Variants in SEPTIN9 observed in about 807,000 individuals in gnomAD.
SEPTIN9 encodes septin 9.
A neutral mutation model predicts 56.6 loss-of-function variants in SEPTIN9; 13 were observed. That is an observed-to-expected ratio of 0.23 (90% CI 0.15 to 0.37). SEPTIN9 has a LOEUF of 0.37. Among genes scored for constraint, SEPTIN9 ranks in the 10% least tolerant of loss-of-function variants. The pLI is 1.00. For missense variants in SEPTIN9, 650 were observed against 823.1 expected (o/e 0.79, Z 2.57); for synonymous variants, 332 against 334.1 (o/e 0.99, Z 0.07).
chr17:77,342,451 C>G (rs1241250817), intron 2 of SEPTIN9, among the ~76,000 whole-genome samples: 1 of 152,190 alleles, frequency 6.6e-6, no homozygotes, highest in Non-Finnish European at 1.5e-5. Flanking sequence ...TTTTAAAGAA[C>G]CAGCATTGGA....
At position 77,436,466 on chromosome 17, in the gene SEPTIN9, T is replaced by C. The variant is rs527717552; in HGVS notation, c.721+33763T>C. Among the ~76,000 whole-genome samples the C allele has an allele frequency of 6.7e-6, 1 of 149,140 alleles. No homozygotes were observed. The highest frequency in any genetic ancestry group is 6.6e-5 in the Admixed American group (1 of 15,122). ...AAGAGCCTCACTTTCTCCCCGCAGA[T>C]GGGACGGGGGCGGGGCTGGAGCCAG... On this transcript the variant is annotated intron_variant, in intron 3 of 11. Transcript: ENST00000427177. The surrounding 1 kb of genome is among the most constrained non-coding windows in gnomAD (Gnocchi z 4.4).
chr17:77,296,117 A>AC (rs78975841), intron 1 of SEPTIN9, among the ~76,000 whole-genome samples: 151,714 of 152,234 alleles, frequency 1, 75,598 homozygotes, highest in Middle Eastern at 1. Context: ...AGGAAAAATG[A>AC]CGGAGGACAC....
rs2037225757 is a variant in SEPTIN9 at position 77,433,531 on chromosome 17, C to T, written c.721+30828C>T. Among the ~76,000 whole-genome samples, 2 of 152,150 alleles carry T rather than the reference C, an allele frequency of 1.3e-5. No homozygotes were observed. Among genetic ancestry groups the T allele is most frequent in the South Asian group, 4.2e-4 (2 of 4,816 alleles). ...AAAGGGATGGCGCCCCAGCCACGTT[C>T]CCACCCACCCCGAGGCCCAGCATGG... On this transcript the variant is annotated intron_variant, in intron 3 of 11. Coordinates refer to ENST00000427177, the MANE Select transcript of SEPTIN9 (RefSeq NM_001113491.2). The surrounding 1 kb of genome is among the most constrained non-coding windows in gnomAD (Gnocchi z 6.4).
At chr17:77,379,896 C>T (rs192417814) in intron 2 of SEPTIN9, among the ~76,000 whole-genome samples, 1 of 152,180 alleles carries the variant, frequency 6.6e-6, no homozygotes, top group East Asian at 1.9e-4. Flanking sequence ...AATGGTCAAA[C>T]ACTGCCTTTC....
rs1025535903 is a variant in SEPTIN9 at position 77,456,725 on chromosome 17, T to C, written c.722-25419T>C. On this transcript the variant is annotated intron_variant, in intron 3 of 11. Transcript: ENST00000427177. The surrounding 1 kb of genome is among the most constrained non-coding windows in gnomAD (Gnocchi z 6.0). ...GCCAGGGACGGGCCCCCATGGCCAG[T>C]ACCAGATCTCAGGGACCAGCACCGG... Among the ~76,000 whole-genome samples, 5 of 151,518 alleles carry C rather than the reference T, an allele frequency of 3.3e-5. No individual in the cohort carries two copies. The highest frequency in any genetic ancestry group is 7.4e-5 in the Non-Finnish European group (5 of 67,880).
At chr17:77,332,746 A>AT (rs1357611123) in intron 2 of SEPTIN9, among the ~76,000 whole-genome samples, 3 of 151,984 alleles carry the variant, frequency 2.0e-5, no homozygotes, top group African/African-American at 7.2e-5. Flanking sequence ...CCACGAAATA[A>AT]TTTTGCCAGT....
In SEPTIN9 at chr17:77,464,749, C is replaced by T. The variant is rs557044712; in HGVS notation, c.722-17395C>T. On this transcript the variant is annotated intron_variant, in intron 3 of 11. Transcript: ENST00000427177. ...CCGAGTAGCTGGGACTACAGGTGCC[C>T]ACCACCACACCCGGCTAATTTTTTT... Among the ~76,000 whole-genome samples the T allele has an allele frequency of 3.0e-4, 46 of 152,050 alleles. 2 individuals carry two copies. The South Asian group carries it at 7.3e-3, about 24-fold the overall frequency.
At chr17:77,288,504 C>T (rs1325050127) in intron 1 of SEPTIN9, among the ~76,000 whole-genome samples, 2 of 152,208 alleles carry the variant, frequency 1.3e-5, no homozygotes, top group Admixed American at 6.5e-5. Flanking sequence ...GCGGGTGGGC[C>T]GCCCCTGGGG....
chr17:77,384,242 G>T (rs2035251614), intron 2 of SEPTIN9, among the ~76,000 whole-genome samples: 1 of 152,170 alleles, frequency 6.6e-6, no homozygotes, highest in Non-Finnish European at 1.5e-5. Context: ...CCGAGGCCCT[G>T]ACTGTGGGAC....
intron 2 of SEPTIN9, among the ~76,000 whole-genome samples, chr17:77,321,350 C>T (rs1438037405): frequency 1.3e-5 from 2 of 149,666 alleles, no homozygotes; most frequent in African/African-American, 4.9e-5. Flanking sequence ...CTCGGTGGCT[C>T]CTCTCTAGGA....
chr17:77,306,998 C>T, intron 1 of SEPTIN9, 143 bp from the exon 2 acceptor site: 1 of 817,832 alleles, frequency 1.2e-6, no homozygotes. Flanking sequence ...GGGAGTAGGG[C>T]CTCTGTCCCC....
chr17:77,347,832 T>C (rs2033935414), intron 2 of SEPTIN9, among the ~76,000 whole-genome samples: 1 of 152,186 alleles, frequency 6.6e-6, no homozygotes, highest in Non-Finnish European at 1.5e-5. Context: ...TATTATAAAA[T>C]AGGCTTTGTG....
chr17:77,469,963 CCATCCACT>C, intron 3 of SEPTIN9, among the ~76,000 whole-genome samples: 1 of 151,112 alleles, frequency 6.6e-6, no homozygotes, highest in South Asian at 2.1e-4. Context: ...ACTCACCCAC[CCATCCACT>C]CATCCACCCA....
chr17:77,288,225 C>T, intron 1 of SEPTIN9: 1 of 1,042,668 alleles, frequency 9.6e-7, no homozygotes, highest in Non-Finnish European at 1.2e-6. Flanking sequence ...GTGCATTGCT[C>T]TCTTTCCGGC....
At position 77,449,056 on chromosome 17, in the gene SEPTIN9, T is replaced by A. The variant is rs2037866735; in HGVS notation, c.722-33088T>A. ...ACCTCAGCCTCCCAAAGTGCTGGTA[T>A]GACAGGCGTGAGCCACTGTGCCTGG... On this transcript the variant is annotated intron_variant, in intron 3 of 11. Coordinates refer to ENST00000427177, the MANE Select transcript of SEPTIN9 (RefSeq NM_001113491.2). This position sits in a 1 kb window ranked among gnomAD's most constrained non-coding sequence, Gnocchi z 4.6. Among the ~76,000 whole-genome samples, 1 of 152,188 alleles carries A rather than the reference T, an allele frequency of 6.6e-6. No individual in the cohort carries two copies. Among genetic ancestry groups the A allele is most frequent in the African/African-American group, 2.4e-5 (1 of 41,436 alleles).
intron 3 of SEPTIN9, chr17:77,420,009 A>G (rs554353382): frequency 4.6e-5 from 7 of 152,232 alleles, no homozygotes; most frequent in African/African-American, 1.7e-4. Context: ...AGGGCGGACT[A>G]TCCGTTTCCT....
chr17:77,444,480 G>T (rs116679444), intron 3 of SEPTIN9, among the ~76,000 whole-genome samples: 2 of 151,962 alleles, frequency 1.3e-5, no homozygotes, highest in East Asian at 3.9e-4. Flanking sequence ...GGTCGGGGAG[G>T]GGGGTGTGGA....
Position 77,434,417 on chromosome 17 carries a change from C to T in SEPTIN9, c.721+31714C>T, listed in dbSNP as rs1363220199. Among the ~76,000 whole-genome samples the T allele has an allele frequency of 6.6e-6, 1 of 152,196 alleles. No individual in the cohort carries two copies. Among genetic ancestry groups the T allele is most frequent in the Admixed American group, 6.5e-5 (1 of 15,284 alleles). On this transcript the variant is annotated intron_variant, in intron 3 of 11. Coordinates refer to ENST00000427177, the MANE Select transcript of SEPTIN9 (RefSeq NM_001113491.2). This position sits in a 1 kb window ranked among gnomAD's most constrained non-coding sequence, Gnocchi z 5.0. ...GCTGCGGTGAGGTCTCCATGGCTCC[C>T]TCGTCCTGCACATCCTTCCCTTGTT...
In SEPTIN9 at chr17:77,318,900, G is replaced by T. The variant is rs2143646300; in HGVS notation, c.76+11703G>T. ...GGCCTGCGGGGTGTGTCGAGGTAGAGGGGTGCAAATATTGTAAATTTGTTG... is the reference window on the plus strand; with the variant it reads ...GGCCTGCGGGGTGTGTCGAGGTAGATGGGTGCAAATATTGTAAATTTGTTG... On this transcript the variant is annotated intron_variant, in intron 2 of 11. Coordinates refer to ENST00000427177, the MANE Select transcript of SEPTIN9 (RefSeq NM_001113491.2). This position sits in a 1 kb window ranked among gnomAD's most constrained non-coding sequence, Gnocchi z 4.9. Among the ~76,000 whole-genome samples, 1 of 152,338 alleles carries T rather than the reference G, an allele frequency of 6.6e-6. No homozygotes were observed. The highest frequency in any genetic ancestry group is 2.4e-5 in the African/African-American group (1 of 41,568).
Sources: allele counts gnomAD v4.1 joint callset (sites outside exome capture counted in the v4.1 genomes callset), GRCh38; gene constraint gnomAD v4.1.1; non-coding constraint Gnocchi (gnomAD v3.1); transcripts MANE v1.5; gene names NCBI Gene and HGNC (gene_info 2026-07-23, HGNC 2026-07-21).